The following ZNF292 variants were observed in gnomAD, a reference collection of about 807,000 sequenced individuals.
ZNF292 encodes the protein 16 zinc-finger domain protein.
In ZNF292, 26 loss-of-function variants were observed where a neutral mutation model predicts 217.9. That is an observed-to-expected ratio of 0.12 (90% CI 0.09 to 0.17). The LOEUF is 0.17. ZNF292 is among the 10% of genes least tolerant of loss of function. The probability of loss-of-function intolerance (pLI) is 1.00; values close to 1 mark genes in which losing one functional copy is unlikely to be tolerated. For missense variants in ZNF292, 2,904 were observed against 3,175.2 expected (o/e 0.91, Z 2.05); for synonymous variants, 1,257 against 1,124.1 (o/e 1.12, Z -2.37).
rs61747660 is a variant in ZNF292 at position 87,260,915 on chromosome 6, G to A, written c.7286G>A (p.Arg2429Gln). The A allele has an allele frequency of 1.8e-3, 2,976 of 1,610,734 alleles. 13 individuals carry two copies. The highest frequency in any genetic ancestry group is 1.8e-3 in the Non-Finnish European group (2,169 of 1,178,310). ...QHRNLLIVFK[R>Q]CCNSQVKETS... The stretch of plus-strand genomic sequence containing the variant: ...CGAAATCTTCTTATTGTATTCAAAC[G>A]GTGTTGCAACTCACAAGTAAAGGAA... The change falls in exon 8 of 8, where the codon CGG (arginine) becomes CAG (glutamine). Residue 2429 changes from arginine to glutamine, a missense_variant. Arg to Gln is a conservative substitution (Grantham distance 43, BLOSUM62 1). This residue lies in a region of ZNF292 where 380 missense variants were observed against 355.3 expected (regional missense o/e 1.07). Coordinates refer to ENST00000369577, the MANE Select transcript of ZNF292 (RefSeq NM_015021.3).
In ZNF292 at chr6:87,254,724, T is replaced by C. The variant is rs1775115299; in HGVS notation, c.1095T>C (p.Thr365=). The change falls in exon 8 of 8, where the codon ACT becomes ACC. Residue 365 remains threonine (T), a synonymous_variant. Transcript: ENST00000369577. ...KALRLESTEN[T]EVKISICKTI... ...TTCGCTTGGAGTCTACAGAAAATACTGAAGTGAAAATATCTATTTGCAAGA... is the reference window on the plus strand; with the variant it reads ...TTCGCTTGGAGTCTACAGAAAATACCGAAGTGAAAATATCTATTTGCAAGA... 1.9e-6 allele frequency: 3 copies of C among 1,613,972 alleles called. No individual in the cohort carries two copies. Among genetic ancestry groups the C allele is most frequent in the Non-Finnish European group, 2.5e-6 (3 of 1,179,846 alleles).
chr6:87,257,080 G>A lies in ZNF292; in HGVS notation c.3451G>A (p.Gly1151Arg). ...TAACAACTTAAATACACCAAATAAT[G>A]GAAAGTTTGTTTATTTTTTGCCATC... ...KANNLNTPNN[G>R]KFVYFLPSPV... The change falls in exon 8 of 8, where the codon GGA becomes AGA. Residue 1151 changes from glycine (G) to arginine (R), a missense_variant. This residue lies in a region of ZNF292 where 687 missense variants were observed against 623.0 expected (regional missense o/e 1.10). Transcript: ENST00000369577. 6.2e-7 allele frequency: 1 copy of A among 1,613,814 alleles called. No individual in the cohort carries two copies.
At chr6:87,232,237 A>G (rs1773693046) in intron 4 of ZNF292, among the ~76,000 whole-genome samples, 1 of 152,150 alleles carries the variant, frequency 6.6e-6, no homozygotes, top group Non-Finnish European at 1.5e-5. Flanking sequence ...AGCATTTTAT[A>G]GAAGAATCTT....
At chr6:87,209,729 TTATG>T (rs1339037613) in intron 1 of ZNF292, among the ~76,000 whole-genome samples, 5 of 152,222 alleles carry the variant, frequency 3.3e-5, no homozygotes, top group African/African-American at 1.2e-4. Context: ...AATATCTTAT[TTATG>T]GTAATGTGAT....
chr6:87,224,974 TC>T (rs1400515406), intron 4 of ZNF292, among the ~76,000 whole-genome samples: 1 of 152,214 alleles, frequency 6.6e-6, no homozygotes, highest in Admixed American at 6.5e-5. Context: ...CATTTTGTAT[TC>T]TCATCAGCAA....
At chr6:87,199,692 G>A (rs1361516773) in intron 1 of ZNF292, among the ~76,000 whole-genome samples, 1 of 152,172 alleles carries the variant, frequency 6.6e-6, no homozygotes, top group Non-Finnish European at 1.5e-5. Context: ...CCTGCGCTGA[G>A]AATGGATCAC....
rs561443203 is a variant in ZNF292 at position 87,257,070 on chromosome 6, A to G, written c.3441A>G (p.Thr1147=). The part of the protein sequence containing the change: ...KKGQKANNLN[T]PNNGKFVYFL... The stretch of plus-strand genomic sequence containing the variant: ...GTCAGAAAGCTAACAACTTAAATAC[A>G]CCAAATAATGGAAAGTTTGTTTATT... Residue 1147 remains threonine, a synonymous_variant, in exon 8 of 8, where the codon ACA becomes ACG. Transcript: ENST00000369577. 3.7e-6 allele frequency: 6 copies of G among 1,613,868 alleles called. No homozygotes were observed. In the South Asian group the frequency reaches 6.6e-5, roughly 18 times the overall value.
At chr6:87,239,128 A>C (rs1402420107) in intron 5 of ZNF292, among the ~76,000 whole-genome samples, 5 of 152,338 alleles carry the variant, frequency 3.3e-5, no homozygotes, top group South Asian at 4.1e-4. Context: ...TTTTCCCCAC[A>C]TTTCCCCCTT....
At chr6:87,170,533 A>G (rs1370515554) in intron 1 of ZNF292, among the ~76,000 whole-genome samples, 1 of 152,236 alleles carries the variant, frequency 6.6e-6, no homozygotes, top group Non-Finnish European at 1.5e-5. Context: ...CTTATGAAAT[A>G]TTTTTGAAAA....
chr6:87,261,833 A>G lies in ZNF292; in HGVS notation c.*32A>G. The G allele has an allele frequency of 7.4e-7, 1 of 1,354,028 alleles. No individual in the cohort carries two copies. Among genetic ancestry groups the G allele is most frequent in the African/African-American group, 1.5e-5 (1 of 68,390 alleles). 83.9% of individuals were successfully genotyped at this position (1,354,028 alleles called of 1,614,324 possible). A position where few individuals can be genotyped will look rare whatever the true frequency, so the allele number is the denominator to read the frequency against. On this transcript the variant is annotated 3_prime_UTR_variant, in exon 8 of 8. Coordinates refer to ENST00000369577, the MANE Select transcript of ZNF292 (RefSeq NM_015021.3). ...ATGTAGTATAAATACATCATTTACC[A>G]TTTTATTTTAAATAGGAAGCCATCA...
At chr6:87,234,558 C>CA (rs1038739720) in intron 5 of ZNF292, among the ~76,000 whole-genome samples, 1,725 of 118,212 alleles carry the variant, frequency 0.015, 21 homozygotes, top group African/African-American at 0.034. Flanking sequence ...GACTCTGTCG[C>CA]AAAAAAAAAA....
chr6:87,197,554 G>T lies in ZNF292; in HGVS notation c.169-18349G>T, dbSNP rs189885015. On this transcript the variant is annotated intron_variant, in intron 1 of 7. Transcript: ENST00000369577. ...GTTCGAGACCAGTCTGGCCAACAGGGTGAAACTCCGTCTCTACTAAAAATA... is the reference window on the plus strand; with the variant it reads ...GTTCGAGACCAGTCTGGCCAACAGGTTGAAACTCCGTCTCTACTAAAAATA... Among the ~76,000 whole-genome samples the T allele has an allele frequency of 2.1e-3, 313 of 151,048 alleles. 1 individual carries two copies. The highest frequency in any genetic ancestry group is 7.3e-3 in the African/African-American group (298 of 41,090).
intron 5 of ZNF292, among the ~76,000 whole-genome samples, chr6:87,233,995 G>C (rs528878107): frequency 2.0e-5 from 3 of 152,006 alleles, no homozygotes; most frequent in Non-Finnish European, 2.9e-5. Context: ...TTTTGAGTAC[G>C]TATTTATTTG....
At chr6:87,155,844 C>T in intron 1 of ZNF292, 85 bp downstream of exon 1, 1 of 1,428,286 alleles carries the variant, frequency 7.0e-7, no homozygotes, top group Non-Finnish European at 9.2e-7. Context: ...GAGAGGTGGT[C>T]GCCGCTTCCT....
chr6:87,163,674 G>A (rs1396797865), intron 1 of ZNF292, among the ~76,000 whole-genome samples: 1 of 152,098 alleles, frequency 6.6e-6, no homozygotes, highest in Non-Finnish European at 1.5e-5. Context: ...AGTAAGCATG[G>A]ATTAAGAGAA....
chr6:87,255,973 A>T lies in ZNF292; in HGVS notation c.2344A>T (p.Met782Leu). The change falls in exon 8 of 8, where the codon ATG (methionine) becomes TTG (leucine). Residue 782 changes from methionine (M) to leucine (L), a missense_variant. By Grantham distance (15) the Met-to-Leu change is conservative. Transcript: ENST00000369577. ...KEHQVFRAKCMFPKCGRIFSE... is the reference protein window; with the variant it reads ...KEHQVFRAKCLFPKCGRIFSE... ...GCATCAAGTCTTTAGAGCAAAATGT[A>T]TGTTTCCTAAATGTGGAAGAATTTT... is the stretch of plus-strand genomic sequence containing the variant. The T allele has an allele frequency of 6.2e-7, 1 of 1,610,836 alleles. No individual in the cohort carries two copies. The highest frequency in any genetic ancestry group is 2.2e-5 in the East Asian group (1 of 44,826).
chr6:87,210,959 A>T (rs1772456080), intron 1 of ZNF292, among the ~76,000 whole-genome samples: 1 of 152,174 alleles, frequency 6.6e-6, no homozygotes, highest in African/African-American at 2.4e-5. Flanking sequence ...CCAAGTTTTT[A>T]TGTAAAATAT....
At chr6:87,220,713 G>A (rs1773037992) in intron 4 of ZNF292, among the ~76,000 whole-genome samples, 1 of 152,200 alleles carries the variant, frequency 6.6e-6, no homozygotes, top group Non-Finnish European at 1.5e-5. Flanking sequence ...TTACTTGTTT[G>A]AATGTGCCTA....
chr6:87,204,280 GAAT>G (rs1772177150), intron 1 of ZNF292, among the ~76,000 whole-genome samples: 2 of 152,222 alleles, frequency 1.3e-5, no homozygotes, highest in South Asian at 4.1e-4. Flanking sequence ...TGGCATACGT[GAAT>G]AATGTCTGCA....
Sources: allele counts gnomAD v4.1 joint callset (sites outside exome capture counted in the v4.1 genomes callset), GRCh38; gene constraint gnomAD v4.1.1; regional missense constraint gnomAD v4.1.1; transcripts MANE v1.5; gene names NCBI Gene and HGNC (gene_info 2026-07-23, HGNC 2026-07-21).